Variants in GRIN2B observed in about 807,000 individuals in gnomAD.
GRIN2B encodes the protein glutamate ionotropic receptor NMDA type subunit 2B.
A neutral mutation model predicts 114.5 loss-of-function variants in GRIN2B; 5 were observed. The ratio of observed to expected loss-of-function variants is 0.04; its 90% CI spans 0.02 to 0.09. The LOEUF is 0.09. Among genes scored for constraint, GRIN2B ranks in the 10% least tolerant of loss-of-function variants. The pLI, the probability that GRIN2B is intolerant of heterozygous loss-of-function variation, is 1.00. For synonymous variants in GRIN2B, 787 were observed against 745.1 expected (o/e 1.06, Z -0.92); for missense variants, 1,108 against 1,943.5 (o/e 0.57, Z 8.08).
chr12:13,728,365 C>A (rs1863027586), intron 4 of GRIN2B, among the ~76,000 whole-genome samples: 1 of 152,092 alleles, frequency 6.6e-6, no homozygotes, highest in Non-Finnish European at 1.5e-5. Context: ...TAGAGAACCA[C>A]TGTTTAGTAG....
chr12:13,663,889 G>A (rs1459973051), intron 5 of GRIN2B, among the ~76,000 whole-genome samples: 1 of 152,224 alleles, frequency 6.6e-6, no homozygotes, highest in South Asian at 2.1e-4. Context: ...TAGTGAACAC[G>A]AGAGTAGCAC....
intron 5 of GRIN2B, among the ~76,000 whole-genome samples, chr12:13,667,824 A>ATT (rs1167032980): frequency 6.6e-6 from 1 of 152,204 alleles, no homozygotes; most frequent in African/African-American, 2.4e-5. Flanking sequence ...ATAACTGCTA[A>ATT]TTCTTTGTAG....
At chr12:13,811,440 G>A (rs1435117292) in intron 3 of GRIN2B, among the ~76,000 whole-genome samples, 2 of 152,194 alleles carry the variant, frequency 1.3e-5, no homozygotes, top group African/African-American at 4.8e-5. Flanking sequence ...AATTAGCTGG[G>A]CACAGTGGCA....
At chr12:13,908,368 T>C (rs1047489407) in intron 2 of GRIN2B, among the ~76,000 whole-genome samples, 1 of 152,184 alleles carries the variant, frequency 6.6e-6, no homozygotes, top group African/African-American at 2.4e-5. Flanking sequence ...CCTGTGAGCA[T>C]CATGCTAAGA....
At chr12:13,921,659 T>A (rs1866826701) in intron 2 of GRIN2B, among the ~76,000 whole-genome samples, 1 of 152,114 alleles carries the variant, frequency 6.6e-6, no homozygotes, top group African/African-American at 2.4e-5. Flanking sequence ...AGGTTGAAAG[T>A]CTGTACATTC....
chr12:13,970,686 A>AC (rs1555163300), intron 2 of GRIN2B, among the ~76,000 whole-genome samples: 1 of 145,052 alleles, frequency 6.9e-6, no homozygotes, highest in African/African-American at 2.6e-5. Context: ...GCAGGCTCTA[A>AC]ACACACACAC....
chr12:13,576,109 G>GA (rs1369327282), intron 10 of GRIN2B, among the ~76,000 whole-genome samples: 88 of 152,250 alleles, frequency 5.8e-4, no homozygotes, highest in African/African-American at 2.1e-3. Context: ...CTTTTCTTTT[G>GA]AAAATTCTTG....
At chr12:13,901,216 A>C (rs1054260423) in intron 2 of GRIN2B, among the ~76,000 whole-genome samples, 1 of 152,118 alleles carries the variant, frequency 6.6e-6, no homozygotes, top group African/African-American at 2.4e-5. Flanking sequence ...TTTCATTTGC[A>C]TTCCTTTGCT....
At position 13,563,943 on chromosome 12, in the gene GRIN2B, G is replaced by A. The variant is rs201477697; in HGVS notation, c.3295C>T (p.Arg1099Cys). 5.0e-6 allele frequency: 8 copies of A among 1,614,200 alleles called. No individual in the cohort carries two copies. The highest frequency in any genetic ancestry group is 6.8e-6 in the Non-Finnish European group (8 of 1,180,042). ...AGCTCGATCTCGTCAAACTCCCTGC[G>A]GGACTTGGCCGAGGCAGGCCGCTTC... ...LKKRPASAKS[R>C]REFDEIELAY... The change falls in exon 14 of 14, where the codon CGC becomes TGC. Residue 1099 changes from arginine (R) to cysteine (C), a missense_variant. Around this residue, in one of 19 missense-constraint regions of GRIN2B, gnomAD observed 18 missense variants for 23.6 expected, o/e 0.76. Transcript: ENST00000609686.
intron 4 of GRIN2B, chr12:13,683,869 G>A (rs1162352318): frequency 6.6e-6 from 1 of 152,146 alleles, no homozygotes; most frequent in Non-Finnish European, 1.5e-5. Context: ...TACATTGCCT[G>A]GGTGTCAGGG....
rs118053670 is a variant in GRIN2B, at chr12:13,676,619, G to A, written c.1011-760C>T. On this transcript the variant is annotated intron_variant, in intron 4 of 13. Coordinates refer to ENST00000609686, the MANE Select transcript of GRIN2B (RefSeq NM_000834.5). ...GGTGGATTAAAGGTTGGAAGTGGTG[G>A]AGATAAGAAATGAAAGTAGGAGTGT... Among the ~76,000 whole-genome samples, 1,519 of 152,234 alleles carry A rather than the reference G, an allele frequency of 1.0e-2. 9 individuals carry two copies. The highest frequency in any genetic ancestry group is 0.099 in the Middle Eastern group (29 of 294).
chr12:13,907,045 G>A (rs1462461388), intron 2 of GRIN2B, among the ~76,000 whole-genome samples: 1 of 152,110 alleles, frequency 6.6e-6, no homozygotes, highest in African/African-American at 2.4e-5. Context: ...ATGAAGCTTT[G>A]TAAGATTCCT....
chr12:13,754,514 G>A (rs898520243), intron 3 of GRIN2B, among the ~76,000 whole-genome samples: 1 of 152,104 alleles, frequency 6.6e-6, no homozygotes, highest in Non-Finnish European at 1.5e-5. Flanking sequence ...GAAGGTGAAT[G>A]GTACTCAGAT....
chr12:13,597,808 C>G (rs1949095064), intron 10 of GRIN2B, among the ~76,000 whole-genome samples: 1 of 152,182 alleles, frequency 6.6e-6, no homozygotes. Context: ...TGGTCAAGAC[C>G]CTCCATCGGT....
intron 3 of GRIN2B, among the ~76,000 whole-genome samples, chr12:13,834,197 A>ATT (rs756189402): frequency 4.3e-4 from 48 of 111,498 alleles, no homozygotes; most frequent in South Asian, 3.0e-3. Context: ...CGCCTGGCTA[A>ATT]TTTTTTTTTT....
chr12:13,750,641 A>G (rs572802478), intron 4 of GRIN2B, among the ~76,000 whole-genome samples: 1 of 152,358 alleles, frequency 6.6e-6, no homozygotes, highest in Admixed American at 6.5e-5. Context: ...CAGTGGGAGG[A>G]AAACCAAAGC....
rs903637725 is a variant in GRIN2B at position 13,550,837 on chromosome 12, A to C, written c.*11946T>G. 1 of 152,138 alleles carries C rather than the reference A, an allele frequency of 6.6e-6. No individual in the cohort carries two copies. The highest frequency in any genetic ancestry group is 1.5e-5 in the Non-Finnish European group (1 of 68,016). 9.4% of individuals were successfully genotyped at this position (152,138 alleles called of 1,614,324 possible). On this transcript the variant is annotated 3_prime_UTR_variant, in exon 14 of 14. Coordinates refer to ENST00000609686, the MANE Select transcript of GRIN2B (RefSeq NM_000834.5). ...CTGTGCTCACTCAACTTCTCATCCT[A>C]ACATTGTTTGTGTTTTGAGGATGGG...
intron 2 of GRIN2B, among the ~76,000 whole-genome samples, chr12:13,869,166 G>A (rs1477247019): frequency 6.6e-6 from 1 of 151,802 alleles, no homozygotes; most frequent in African/African-American, 2.4e-5. Flanking sequence ...ACCTCCTTGT[G>A]AGCAGGGACT....
chr12:13,849,343 G>A (rs182685613), intron 3 of GRIN2B, among the ~76,000 whole-genome samples: 245 of 152,154 alleles, frequency 1.6e-3, no homozygotes, highest in African/African-American at 5.2e-3. Flanking sequence ...TGTCACAGCC[G>A]TTGGACAACT....
Sources: gnomAD v4.1 joint callset for allele counts (sites outside exome capture counted in the v4.1 genomes callset) on GRCh38, gnomAD v4.1.1 for gene constraint, gnomAD v4.1.1 regional missense constraint, MANE v1.5 for transcripts, NCBI Gene and HGNC (gene_info 2026-07-23, HGNC 2026-07-21) for gene names.